RFX2: variants seen among roughly 807,000 people sequenced by gnomAD.
RFX2 encodes regulatory factor X2.
RFX2 carries 20 observed loss-of-function variants against 87.8 expected under a neutral mutation model. That is an observed-to-expected ratio of 0.23 (90% CI 0.16 to 0.33). RFX2 has a LOEUF of 0.33. Ranked by LOEUF, RFX2 falls within the 10% of genes least tolerant of loss-of-function variation. The probability of loss-of-function intolerance (pLI) is 1.00; values close to 1 mark genes in which losing one functional copy is unlikely to be tolerated. For missense variants in RFX2, 767 were observed against 1,012.3 expected (o/e 0.76, Z 3.29); for synonymous variants, 397 against 431.3 (o/e 0.92, Z 0.98).
chr19:6,072,021 G>A (rs903157874), intron 1 of RFX2: 25 of 152,194 alleles, frequency 1.6e-4, no homozygotes, highest in African/African-American at 2.7e-4. Flanking sequence ...CAGGAGGGGC[G>A]AGAACAAACC....
chr19:6,021,251 C>G lies in RFX2; in HGVS notation c.597+4912G>C, dbSNP rs943627883. 1.3e-5 allele frequency among the ~76,000 whole-genome samples: 2 copies of G among 152,218 alleles called. No individual in the cohort carries two copies. The highest frequency in any genetic ancestry group is 1.3e-4 in the Admixed American group (2 of 15,282). ...GACTTGGAACATCCACCTTTTCACC[C>G]ATTCCACAAATATTTACGAGAGCTG... On this transcript the variant is annotated intron_variant, in intron 6 of 17. Coordinates refer to ENST00000303657, the MANE Select transcript of RFX2 (RefSeq NM_000635.4). The surrounding 1 kb of genome is among the most constrained non-coding windows in gnomAD (Gnocchi z 5.7).
Position 6,005,666 on chromosome 19 carries a change from C to T in RFX2, c.1402+1346G>A, listed in dbSNP as rs916512655. Among the ~76,000 whole-genome samples, 3 of 152,306 alleles carry T rather than the reference C, an allele frequency of 2.0e-5. No individual in the cohort carries two copies. In the South Asian group the frequency reaches 6.2e-4, roughly 32 times the overall value. ...TCCTGTGGGAAATCACAGGGTGGGG[C>T]GCTGGGGTGTAAATGTCTCCTGGAA... On this transcript the variant is annotated intron_variant, in intron 12 of 17. Transcript: ENST00000303657.
At position 6,039,090 on chromosome 19, in the gene RFX2, G is replaced by T. The variant is rs2087064994; in HGVS notation, c.522+890C>A. 6.6e-6 allele frequency among the ~76,000 whole-genome samples: 1 copy of T among 151,582 alleles called. No homozygotes were observed. Among genetic ancestry groups the T allele is most frequent in the Non-Finnish European group, 1.5e-5 (1 of 67,916 alleles). On this transcript the variant is annotated intron_variant, in intron 5 of 17. Transcript: ENST00000303657. The surrounding 1 kb of genome is among the most constrained non-coding windows in gnomAD (Gnocchi z 5.2). ...TCCAAATGGCCCTCAACTAGTGAATGAATAAACAAACTGTAGTGTAATAGA... is the reference window on the plus strand; with the variant it reads ...TCCAAATGGCCCTCAACTAGTGAATTAATAAACAAACTGTAGTGTAATAGA...
intron 1 of RFX2, among the ~76,000 whole-genome samples, chr19:6,104,554 G>T (rs1263827738): frequency 6.8e-6 from 1 of 147,470 alleles, no homozygotes; most frequent in East Asian, 2.0e-4. Flanking sequence ...GGGCAACAGA[G>T]TGAGACTCCA....
chr19:6,040,244 G>A lies in RFX2; in HGVS notation c.261-3C>T. On this transcript the variant is annotated splice_polypyrimidine_tract_variant and splice_region_variant and intron_variant, in intron 4 of 17. Coordinates refer to ENST00000303657, the MANE Select transcript of RFX2 (RefSeq NM_000635.4). This position sits in a 1 kb window ranked among gnomAD's most constrained non-coding sequence, Gnocchi z 6.1. ...GGTTGTAGGTGTAGGCTGTTCGTCT[G>A]TTAGAAAGAGAGAAGTCACGCATGG... is the stretch of plus-strand genomic sequence containing the variant. 8.5e-6 allele frequency: 13 copies of A among 1,534,124 alleles called. No individual in the cohort carries two copies. Among genetic ancestry groups the A allele is most frequent in the South Asian group, 1.2e-5 (1 of 81,412 alleles).
intron 1 of RFX2, among the ~76,000 whole-genome samples, chr19:6,062,557 G>A (rs984386935): frequency 9.8e-5 from 15 of 152,300 alleles, no homozygotes; most frequent in East Asian, 5.8e-4. Context: ...TGGAGCTTCC[G>A]TCTCTTTTCT....
At chr19:6,105,866 G>T (rs975207271) in intron 1 of RFX2, among the ~76,000 whole-genome samples, 35 of 152,088 alleles carry the variant, frequency 2.3e-4, no homozygotes, top group African/African-American at 7.7e-4. Flanking sequence ...TTTGGGAGGA[G>T]TAGATCTGGG....
intron 5 of RFX2, among the ~76,000 whole-genome samples, chr19:6,036,342 C>T (rs560665019): frequency 1.3e-5 from 2 of 152,226 alleles, no homozygotes; most frequent in East Asian, 3.9e-4. Flanking sequence ...CAAGTGACTC[C>T]TCCCGAGAAG....
chr19:6,107,437 T>C (rs1277821301), intron 1 of RFX2, among the ~76,000 whole-genome samples: 1 of 151,524 alleles, frequency 6.6e-6, no homozygotes, highest in Non-Finnish European at 1.5e-5. Context: ...GCCAACATAG[T>C]GAAACCCCAT....
intron 1 of RFX2, among the ~76,000 whole-genome samples, chr19:6,082,167 AGCTACTAGGGAG>A (rs1187617060): frequency 2.0e-5 from 3 of 151,978 alleles, no homozygotes; most frequent in Non-Finnish European, 4.4e-5. Context: ...CTGTAATCCC[AGCTACTAGGGAG>A]GCTACTAGGG....
At position 6,021,345 on chromosome 19, in the gene RFX2, C is replaced by G. The variant is rs1016831611; in HGVS notation, c.597+4818G>C. 6.6e-6 allele frequency among the ~76,000 whole-genome samples: 1 copy of G among 152,208 alleles called. No individual in the cohort carries two copies. The highest frequency in any genetic ancestry group is 1.5e-5 in the Non-Finnish European group (1 of 68,024). ...AATAAAAGACAAAAACCCCTGCCCCCTGGAAGCGTCCGTTCTTGTCTGGCA... is the reference window on the plus strand; with the variant it reads ...AATAAAAGACAAAAACCCCTGCCCCGTGGAAGCGTCCGTTCTTGTCTGGCA... On this transcript the variant is annotated intron_variant, in intron 6 of 17. Transcript: ENST00000303657. The surrounding 1 kb of genome is among the most constrained non-coding windows in gnomAD (Gnocchi z 5.7).
chr19:6,081,664 G>T (rs756909555), intron 1 of RFX2, among the ~76,000 whole-genome samples: 3 of 152,242 alleles, frequency 2.0e-5, no homozygotes, highest in Non-Finnish European at 2.9e-5. Flanking sequence ...TATAAAGGTA[G>T]ATGGAGGGCT....
At chr19:6,080,183 A>C (rs965468152) in intron 1 of RFX2, among the ~76,000 whole-genome samples, 1 of 149,524 alleles carries the variant, frequency 6.7e-6, no homozygotes, top group African/African-American at 2.5e-5. Flanking sequence ...AGCTGGGACC[A>C]CAGGCACATG....
intron 1 of RFX2, among the ~76,000 whole-genome samples, chr19:6,062,392 A>C (rs2087448449): frequency 6.6e-6 from 1 of 152,138 alleles, no homozygotes; most frequent in Admixed American, 6.5e-5. Context: ...TGAGGCTCAG[A>C]AAGGGCGAGC....
chr19:6,015,172 A>C (rs2086708329), intron 7 of RFX2, among the ~76,000 whole-genome samples: 1 of 152,170 alleles, frequency 6.6e-6, no homozygotes, highest in Non-Finnish European at 1.5e-5. Flanking sequence ...TCACACCTGT[A>C]ATCCCAGAAC....
At chr19:6,081,338 A>T (rs1287950528) in intron 1 of RFX2, among the ~76,000 whole-genome samples, 1 of 152,264 alleles carries the variant, frequency 6.6e-6, no homozygotes, top group Non-Finnish European at 1.5e-5. Flanking sequence ...TATTTTAAAC[A>T]AATAAAAAGA....
rs200592521 is a variant in RFX2 at position 6,070,179 on chromosome 19, G to A, written c.-8-22675C>T. 6.3e-5 allele frequency among the ~76,000 whole-genome samples: 3 copies of A among 47,988 alleles called. No individual in the cohort carries two copies. The East Asian group carries it at 2.3e-3, about 36-fold the overall frequency. 31.5% of individuals were successfully genotyped at this position (47,988 alleles called of 152,430 possible). On this transcript the variant is annotated intron_variant, in intron 1 of 17. Coordinates refer to ENST00000303657, the MANE Select transcript of RFX2 (RefSeq NM_000635.4). ...GATGGGATGGGATGTGAATGGGATG[G>A]GATGGGATGGGATGGGATGTGGATG...
At chr19:6,041,631 T>C (rs969697061) in intron 4 of RFX2, among the ~76,000 whole-genome samples, 4 of 150,932 alleles carry the variant, frequency 2.7e-5, no homozygotes, top group African/African-American at 9.8e-5. Flanking sequence ...TCCAAGACTA[T>C]CTTTTCTAAA....
At chr19:6,094,230 T>C (rs1041627066) in intron 1 of RFX2, among the ~76,000 whole-genome samples, 4 of 145,388 alleles carry the variant, frequency 2.8e-5, no homozygotes, top group Non-Finnish European at 5.9e-5. Context: ...CCAGAGGCTC[T>C]TTTTTTCTTT....
Sources: allele counts gnomAD v4.1 joint callset (sites outside exome capture counted in the v4.1 genomes callset), GRCh38; gene constraint gnomAD v4.1.1; non-coding constraint Gnocchi (gnomAD v3.1); transcripts MANE v1.5; gene names NCBI Gene and HGNC (gene_info 2026-07-23, HGNC 2026-07-21).